The following ATRX variants were observed in gnomAD, a reference collection of about 807,000 sequenced individuals.
ATRX encodes chromatin remodeler ATRX.
In ATRX, 12 loss-of-function variants were observed where a neutral mutation model predicts 172.6. That is an observed-to-expected ratio of 0.07 (90% CI 0.04 to 0.11). The LOEUF (loss-of-function observed/expected upper bound fraction) is 0.11. ATRX is among the 10% of genes least tolerant of loss of function. The pLI, the probability that ATRX is intolerant of heterozygous loss-of-function variation, is 1.00. For synonymous variants in ATRX, 674 were observed against 594.7 expected, an observed-to-expected ratio of 1.13 and a Z score of -1.94; for missense variants, 1,368 against 1,767.4, an observed-to-expected ratio of 0.77 and a Z score of 4.05.
chrX:77,653,623 T>C (rs1439996344), intron 14 of ATRX, among the ~76,000 whole-genome samples: 1 of 111,814 alleles, frequency 8.9e-6, no homozygotes, highest in African/African-American at 3.2e-5. Context: ...CACTGAACTG[T>C]ACATTTTAAA....
intron 13 of ATRX, among the ~76,000 whole-genome samples, chrX:77,654,562 CAG>C (rs1294264613): frequency 9.0e-6 from 1 of 110,522 alleles, no homozygotes; most frequent in Non-Finnish European, 1.9e-5. Flanking sequence ...TAACAGGTCA[CAG>C]AGATTTAAAA....
chrX:77,631,344 G>A (rs2068099691), intron 19 of ATRX, among the ~76,000 whole-genome samples: 1 of 111,118 alleles, frequency 9.0e-6, no homozygotes, highest in East Asian at 2.8e-4. Context: ...AATTTTATGT[G>A]TAGATATTAC....
At chrX:77,613,475 T>C (rs1479950613) in intron 22 of ATRX, among the ~76,000 whole-genome samples, 2 of 112,160 alleles carry the variant, frequency 1.8e-5, no homozygotes, top group African/African-American at 6.5e-5. Context: ...GTTCTTTACA[T>C]ACAGTTGACC....
chrX:77,666,292 A>G (rs1204429366), intron 10 of ATRX, among the ~76,000 whole-genome samples: 8 of 112,070 alleles, frequency 7.1e-5, no homozygotes, highest in Non-Finnish European at 1.5e-4. Context: ...AAATCTTACT[A>G]AAGTTGAGCT....
chrX:77,756,524 A>G (rs2075501656), intron 1 of ATRX, among the ~76,000 whole-genome samples: 1 of 110,959 alleles, frequency 9.0e-6, no homozygotes. Context: ...GACTGCAAAA[A>G]TCATGGGAAA....
In ATRX at chrX:77,740,758, G is replaced by C. The variant is rs782054382; in HGVS notation, c.21-23515C>G. ...AGTGTAATAACAGTGAATGACAACT[G>C]AGACAGCAGCAAGACAGATTCTCAG... is the stretch of plus-strand genomic sequence containing the variant. On this transcript the variant is annotated intron_variant, in intron 1 of 34. Transcript: ENST00000373344. Among the ~76,000 whole-genome samples the C allele has an allele frequency of 8.1e-5, 9 of 110,782 alleles. No homozygotes were observed. In the East Asian group the frequency reaches 2.3e-3, roughly 28 times the overall value.
Position 77,506,466 on chromosome X carries a change from G to A in ATRX, c.*1885C>T, listed in dbSNP as rs1296375148. ...TTTGAGTAAATAATTAGACCATGTT[G>A]AAAATTCCCAGGTCTAGTAAATCAG... is the stretch of plus-strand genomic sequence containing the variant. On this transcript the variant is annotated 3_prime_UTR_variant, in exon 35 of 35. Coordinates refer to ENST00000373344, the MANE Select transcript of ATRX (RefSeq NM_000489.6). 5.8e-6 allele frequency: 1 copy of A among 173,423 alleles called. No homozygotes were observed. Among genetic ancestry groups the A allele is most frequent in the Non-Finnish European group, 1.1e-5 (1 of 90,907 alleles). The allele number at this position is 173,423 out of a possible 1,213,427, so 14.3% of individuals were successfully genotyped here. A position where few individuals can be genotyped will look rare whatever the true frequency, so the allele number is the denominator to read the frequency against.
Position 77,688,866 on chromosome X carries a change from T to C in ATRX, c.546A>G (p.Gln182=), listed in dbSNP as rs375794120. ...AAGGGTGTCTATAAATGGAATCTTT[T>C]TGAAAATGATTGACCTGTTGTCCAC... is the stretch of plus-strand genomic sequence containing the variant. ...TACGQQVNHF[Q]KDSIYRHPSL... is the part of the protein sequence containing the mutation. Residue 182 remains glutamine, a synonymous_variant, in exon 7 of 35, where the codon CAA becomes CAG. Transcript: ENST00000373344. The C allele has an allele frequency of 2.0e-5, 24 of 1,209,739 alleles. No homozygotes were observed. The African/African-American group carries it at 3.5e-4, about 18-fold the overall frequency.
At chrX:77,624,166 C>T (rs782472821) in intron 19 of ATRX, among the ~76,000 whole-genome samples, 15 of 111,103 alleles carry the variant, frequency 1.4e-4, no homozygotes, top group African/African-American at 4.6e-4. Context: ...GAGATCGAGA[C>T]CATCCTGGCT....
At chrX:77,765,660 C>T (rs1465013087) in intron 1 of ATRX, among the ~76,000 whole-genome samples, 2 of 109,395 alleles carry the variant, frequency 1.8e-5, no homozygotes, top group Admixed American at 9.8e-5. Context: ...CAGGAGAGCT[C>T]AATTTTCTCA....
intron 34 of ATRX, among the ~76,000 whole-genome samples, chrX:77,519,803 AG>A (rs1336289021): frequency 4.5e-5 from 5 of 111,536 alleles, no homozygotes; most frequent in African/African-American, 1.6e-4. Flanking sequence ...TCCCACTGCT[AG>A]GCCTATACCC....
intron 30 of ATRX, among the ~76,000 whole-genome samples, chrX:77,547,785 T>G (rs1376145657): frequency 9.0e-6 from 1 of 111,627 alleles, no homozygotes; most frequent in Non-Finnish European, 1.9e-5. Flanking sequence ...CAAATACCTA[T>G]GTCTTCTGCA....
intron 1 of ATRX, among the ~76,000 whole-genome samples, chrX:77,766,006 G>A (rs1557195259): frequency 9.0e-6 from 1 of 111,282 alleles, no homozygotes; most frequent in African/African-American, 3.3e-5. Context: ...ACAGGGTTGG[G>A]GGTAAGGTCA....
chrX:77,607,030 A>C (rs1437611913), intron 22 of ATRX, among the ~76,000 whole-genome samples: 1 of 111,898 alleles, frequency 8.9e-6, no homozygotes, highest in African/African-American at 3.2e-5. Flanking sequence ...CTAGTATCAT[A>C]CTGAATGGGA....
At chrX:77,592,077 TA>T (rs782200656) in intron 26 of ATRX, among the ~76,000 whole-genome samples, 1 of 111,983 alleles carries the variant, frequency 8.9e-6, no homozygotes, top group African/African-American at 3.2e-5. Context: ...TTTTTAAACA[TA>T]AAAGATTATT....
rs782362328 is a variant in ATRX at position 77,636,049 on chromosome X, T to C, written c.4565A>G (p.Glu1522Gly). The change falls in exon 16 of 35, where the codon GAA becomes GGA. Residue 1522 changes from glutamate to glycine, a missense_variant. This residue lies in a region of ATRX where 27 missense variants were observed against 110.8 expected (regional missense o/e 0.24). Transcript: ENST00000373344. ...REREKLREVI[E>G]IEDASPTKCP... ...CTTGGTGGGTGAAGCATCTTCAATT[T>C]CTATCACCTACAAGAAAAGGAGTTG... 2 of 1,210,135 alleles carry C rather than the reference T, an allele frequency of 1.7e-6. No individual in the cohort carries two copies. Among genetic ancestry groups the C allele is most frequent in the Non-Finnish European group, 1.1e-6 (1 of 894,278 alleles).
At chrX:77,628,593 T>G (rs782515261) in intron 19 of ATRX, among the ~76,000 whole-genome samples, 22 of 112,079 alleles carry the variant, frequency 2.0e-4, no homozygotes, top group Admixed American at 1.3e-3. Context: ...CCAGTAAAAC[T>G]AGGAAAGTTA....
chrX:77,698,096 C>T (rs1394932215), intron 3 of ATRX, among the ~76,000 whole-genome samples: 2 of 111,606 alleles, frequency 1.8e-5, no homozygotes, highest in Non-Finnish European at 3.8e-5. Flanking sequence ...ACTAAACTTA[C>T]CCTCATTTTG....
At chrX:77,593,405 T>G (rs1246244232) in intron 26 of ATRX, among the ~76,000 whole-genome samples, 9 of 110,966 alleles carry the variant, frequency 8.1e-5, no homozygotes, top group African/African-American at 2.6e-4. Flanking sequence ...AAAAATGATT[T>G]TGAAGATGGA....
Sources: gnomAD v4.1 joint callset for allele counts (sites outside exome capture counted in the v4.1 genomes callset) on GRCh38, gnomAD v4.1.1 for gene constraint, gnomAD v4.1.1 regional missense constraint, MANE v1.5 for transcripts, NCBI Gene and HGNC (gene_info 2026-07-23, HGNC 2026-07-21) for gene names.